Variants in ACACA observed in about 807,000 individuals in gnomAD.
ACACA encodes acetyl-CoA carboxylase 1.
ACACA carries 103 observed loss-of-function variants against 296.1 expected under a neutral mutation model. That is an observed-to-expected ratio of 0.35 (90% confidence interval 0.30 to 0.41). ACACA has a LOEUF of 0.41. Ranked by LOEUF, ACACA falls within the 10% of genes least tolerant of loss-of-function variation. The pLI is 1.00. For synonymous variants in ACACA, 953 were observed against 1,038.6 expected (o/e 0.92, Z 1.58); for missense variants, 1,554 against 2,989.7 (o/e 0.52, Z 11.20).
chr17:37,280,205 T>TTTTG (rs945210069), intron 5 of ACACA, among the ~76,000 whole-genome samples: 22 of 152,242 alleles, frequency 1.4e-4, no homozygotes, highest in Admixed American at 6.5e-4. Context: ...TAGATTTCTT[T>TTTTG]TTTGTTTGTT....
chr17:37,232,341 A>C (rs1362477818), intron 25 of ACACA, among the ~76,000 whole-genome samples: 5 of 152,240 alleles, frequency 3.3e-5, no homozygotes, highest in Admixed American at 1.3e-4. Context: ...ATGCAAAGAA[A>C]GGGGAACCAG....
In ACACA at chr17:37,348,931, AGAGT is replaced by A. The variant is rs988196089; in HGVS notation, c.39-9085_39-9082del. On this transcript the variant is annotated intron_variant, in intron 1 of 55. Transcript: ENST00000616317. ...GCCACTGCACTCCAGCCTGGGCGAC[AGAGT>A]GAGACTCCGTCTCAAAAAAAAAAAA... Among the ~76,000 whole-genome samples the A allele has an allele frequency of 8.7e-4, 130 of 150,094 alleles. 1 individual carries two copies. Among genetic ancestry groups the A allele is most frequent in the African/African-American group, 3.1e-3 (128 of 40,972 alleles).
intron 9 of ACACA, among the ~76,000 whole-genome samples, chr17:37,272,801 CATAATT>C (rs1277790824): frequency 8.6e-5 from 13 of 151,882 alleles, no homozygotes; most frequent in East Asian, 1.9e-4. Flanking sequence ...TTATAATTAT[CATAATT>C]ATAAGTATAG....
chr17:37,377,021 T>C (rs2050032102), intron 1 of ACACA, among the ~76,000 whole-genome samples: 1 of 152,084 alleles, frequency 6.6e-6, no homozygotes, highest in East Asian at 1.9e-4. Flanking sequence ...TGGCACAAAG[T>C]GCAGCAGTAA....
chr17:37,152,028 C>T (rs1045571043), intron 43 of ACACA, among the ~76,000 whole-genome samples: 3 of 151,556 alleles, frequency 2.0e-5, no homozygotes, highest in Non-Finnish European at 2.9e-5. Context: ...ATCTCTTGAC[C>T]TTGTGATCCA....
At chr17:37,278,036 CAT>C (rs2082351186) in intron 5 of ACACA, 31 bp from the exon 6 acceptor site, 3 of 1,542,160 alleles carry the variant, frequency 1.9e-6, no homozygotes, top group Non-Finnish European at 2.7e-6. Flanking sequence ...ATAGAGAACA[CAT>C]GATTTTTTTT....
At chr17:37,181,170 A>T (rs761596678) in intron 40 of ACACA, 31 bp downstream of exon 40, 1 of 1,613,428 alleles carries the variant, frequency 6.2e-7, no homozygotes, top group Non-Finnish European at 8.5e-7. Flanking sequence ...CCTCCTTAGA[A>T]CATGTCAGAC....
In ACACA at chr17:37,221,788, G is replaced by C. The variant is rs1269027090; in HGVS notation, c.3619C>G (p.Gln1207Glu). Residue 1207 changes from glutamine to glutamate, a missense_variant, in exon 29 of 56, where the codon CAG becomes GAG. By Grantham distance (29) the Gln-to-Glu change is conservative. Around this residue, in one of 16 missense-constraint regions of ACACA, gnomAD observed 15 missense variants for 18.8 expected, o/e 0.80. Transcript: ENST00000616317. ...ACCACACAGGTGTTGTCCTTAAGCT[G>C]GCGGTGTTGTACGCTGTTAAGTTCA... Reference protein sequence around the residue: ...AYELNSVQHRQLKDNTCVVEF... With the variant: ...AYELNSVQHRELKDNTCVVEF... 1.2e-6 allele frequency: 2 copies of C among 1,614,036 alleles called. No individual in the cohort carries two copies. Among genetic ancestry groups the C allele is most frequent in the African/African-American group, 2.7e-5 (2 of 74,910 alleles).
intron 42 of ACACA, among the ~76,000 whole-genome samples, chr17:37,157,366 G>A (rs2144313830): frequency 6.6e-6 from 1 of 152,248 alleles, no homozygotes; most frequent in South Asian, 2.1e-4. Context: ...GGAGGCTGTA[G>A]CAAGAAATGA....
rs1597979695 is a variant in ACACA, at chr17:37,149,993, C to T, written c.5569-19G>A. On this transcript the variant is annotated intron_variant, in intron 44 of 55. Transcript: ENST00000616317. ...ACGTCACCTTAGAAAAGAATAAATTCTACATGTCACATATTTATGTCCTCT... is the reference window on the plus strand; with the variant it reads ...ACGTCACCTTAGAAAAGAATAAATTTTACATGTCACATATTTATGTCCTCT... 3 of 1,603,976 alleles carry T rather than the reference C, an allele frequency of 1.9e-6. No individual in the cohort carries two copies. The highest frequency in any genetic ancestry group is 2.6e-6 in the Non-Finnish European group (3 of 1,170,766).
rs966707673 is a variant in ACACA at position 37,357,368 on chromosome 17, G to A, written c.39-17518C>T. ...ATTAGCCAGGCGTAGTGGCGCACGC[G>A]TGTAATCCCAGCTACTCGGGAGGCT... On this transcript the variant is annotated intron_variant, in intron 1 of 55. Transcript: ENST00000616317. 3.6e-4 allele frequency among the ~76,000 whole-genome samples: 55 copies of A among 152,000 alleles called. 2 individuals carry two copies.
At chr17:37,134,709 A>G (rs2075260356) in intron 45 of ACACA, among the ~76,000 whole-genome samples, 2 of 152,224 alleles carry the variant, frequency 1.3e-5, no homozygotes, top group South Asian at 4.1e-4. Context: ...AGGGAATACA[A>G]AATTCCTCCT....
intron 8 of ACACA, chr17:37,274,834 T>C (rs2082208860): frequency 4.3e-6 from 1 of 230,334 alleles, no homozygotes; most frequent in Non-Finnish European, 7.2e-6. Flanking sequence ...TTTTAAACTA[T>C]TTGACCCAGC....
intron 1 of ACACA, among the ~76,000 whole-genome samples, chr17:37,347,925 A>C (rs1231678955): frequency 6.6e-6 from 1 of 152,152 alleles, no homozygotes. Flanking sequence ...TAATCCTAGC[A>C]CTTTGGGAGG....
chr17:37,167,766 G>T (rs571166113), intron 41 of ACACA, among the ~76,000 whole-genome samples: 5 of 150,318 alleles, frequency 3.3e-5, no homozygotes, highest in African/African-American at 4.9e-5. Flanking sequence ...TTCTTAGTTT[G>T]GTAATCATAT....
intron 2 of ACACA, among the ~76,000 whole-genome samples, chr17:37,333,149 C>A (rs8066509): frequency 0.36 from 54,276 of 151,878 alleles, 12,872 homozygotes; most frequent in African/African-American, 0.67. Context: ...GAATTAGGAG[C>A]AGGAAAAAGG....
At chr17:37,201,302 G>A (rs1460933361) in intron 33 of ACACA, among the ~76,000 whole-genome samples, 4 of 152,138 alleles carry the variant, frequency 2.6e-5, no homozygotes, top group African/African-American at 4.8e-5. Flanking sequence ...TGAGCCAAGT[G>A]TGGTGGCACA....
intron 1 of ACACA, among the ~76,000 whole-genome samples, chr17:37,349,069 ATTATT>A (rs2147444357): frequency 6.6e-6 from 1 of 150,782 alleles, no homozygotes; most frequent in South Asian, 2.1e-4. Flanking sequence ...TATTATTATT[ATTATT>A]TTTTGAGATG....
At chr17:37,270,286 A>G (rs2082010757) in intron 10 of ACACA, among the ~76,000 whole-genome samples, 2 of 152,180 alleles carry the variant, frequency 1.3e-5, no homozygotes, top group South Asian at 4.1e-4. Context: ...TCTCTAGGCA[A>G]TGTGAACTAA....
Sources: gnomAD v4.1 joint callset for allele counts (sites outside exome capture counted in the v4.1 genomes callset) on GRCh38, gnomAD v4.1.1 for gene constraint, gnomAD v4.1.1 regional missense constraint, MANE v1.5 for transcripts, NCBI Gene and HGNC (gene_info 2026-07-23, HGNC 2026-07-21) for gene names.